The following TEX9 variants were observed in gnomAD, a reference collection of about 807,000 sequenced individuals.
TEX9 encodes testis-expressed protein 9.
Under a neutral mutation model 59.6 loss-of-function variants are expected in TEX9, and 74 were observed. The ratio of observed to expected loss-of-function variants is 1.24; its 90% CI spans 1.03 to 1.51. The LOEUF is 1.51. Among genes scored for constraint, TEX9 ranks in the 40% most tolerant of loss-of-function variants. The probability of loss-of-function intolerance (pLI) is 0.00; values close to 1 mark genes in which losing one functional copy is unlikely to be tolerated. For missense variants in TEX9, 522 were observed against 447.8 expected, an observed-to-expected ratio of 1.17 and a Z score of -1.49; for synonymous variants, 186 against 152.2, an observed-to-expected ratio of 1.22 and a Z score of -1.64.
At chr15:56,403,470 T>C (rs1466450192) in intron 9 of TEX9, among the ~76,000 whole-genome samples, 1 of 152,068 alleles carries the variant, frequency 6.6e-6, no homozygotes, top group Non-Finnish European at 1.5e-5. Flanking sequence ...CACTGCTCAA[T>C]GAAATAAAAG....
chr15:56,426,184 T>C (rs1242925009), intron 10 of TEX9, among the ~76,000 whole-genome samples: 1 of 152,078 alleles, frequency 6.6e-6, no homozygotes, highest in Non-Finnish European at 1.5e-5. Flanking sequence ...CCATCAGTAC[T>C]GAGTCAGGCA....
At chr15:56,244,861 A>G (rs142624818) in intron 1 of TEX9, among the ~76,000 whole-genome samples, 8 of 150,678 alleles carry the variant, frequency 5.3e-5, no homozygotes, top group African/African-American at 2.0e-4. Context: ...CTTTGCCACA[A>G]ATAAGTCAGT....
intron 9 of TEX9, among the ~76,000 whole-genome samples, chr15:56,400,426 G>A (rs567688373): frequency 2.6e-5 from 4 of 152,196 alleles, no homozygotes; most frequent in Non-Finnish European, 5.9e-5. Context: ...GAGAAGACAA[G>A]TTTACAGAAA....
chr15:56,437,716 C>G (rs1351256190), intron 12 of TEX9, among the ~76,000 whole-genome samples: 8 of 152,090 alleles, frequency 5.3e-5, no homozygotes, highest in African/African-American at 1.9e-4. Flanking sequence ...TTTAGAAAAC[C>G]CCATTGTCTC....
chr15:56,270,997 G>A (rs1468463581), intron 1 of TEX9, among the ~76,000 whole-genome samples: 1 of 152,168 alleles, frequency 6.6e-6, no homozygotes. Flanking sequence ...TTTCTGCTGA[G>A]AGATCCGCTG....
chr15:56,277,008 G>A (rs190495392), intron 1 of TEX9, among the ~76,000 whole-genome samples: 4 of 128,554 alleles, frequency 3.1e-5, no homozygotes, highest in Non-Finnish European at 7.2e-5. Context: ...TTTTTGATGG[G>A]GTTGTTTGTT....
chr15:56,301,510 G>C (rs1593456), intron 1 of TEX9, among the ~76,000 whole-genome samples: 10,550 of 151,906 alleles, frequency 0.069, 455 homozygotes, highest in Non-Finnish European at 0.1. Flanking sequence ...ACTCGCAATG[G>C]TCAAGGATAA....
intron 12 of TEX9, among the ~76,000 whole-genome samples, chr15:56,433,158 C>G (rs773170622): frequency 1.3e-5 from 2 of 150,046 alleles, no homozygotes; most frequent in Non-Finnish European, 3.0e-5. Flanking sequence ...TTCTTTTCCT[C>G]TATACTCTTT....
downstream of TEX9, among the ~76,000 whole-genome samples, chr15:56,450,909 A>T (rs2050942893): frequency 6.6e-6 from 1 of 152,038 alleles, no homozygotes. Context: ...ATTTTCCACT[A>T]CTTTTATTAA....
At chr15:56,281,155 A>G (rs2044809576) in intron 1 of TEX9, among the ~76,000 whole-genome samples, 1 of 152,220 alleles carries the variant, frequency 6.6e-6, no homozygotes, top group African/African-American at 2.4e-5. Context: ...GGGTTCCTAT[A>G]TGTTTGAGGT....
chr15:56,314,624 C>T (rs181723318), intron 1 of TEX9, among the ~76,000 whole-genome samples: 5 of 151,998 alleles, frequency 3.3e-5, no homozygotes, highest in Admixed American at 2.0e-4. Flanking sequence ...AAAGTATATT[C>T]TATTGATTTG....
At chr15:56,304,144 C>T (rs545646146) in intron 1 of TEX9, among the ~76,000 whole-genome samples, 11 of 152,286 alleles carry the variant, frequency 7.2e-5, no homozygotes, top group Non-Finnish European at 1.6e-4. Flanking sequence ...ACTCATTCTA[C>T]GAGGCCAGTA....
chr15:56,446,035 T>C (rs2050899289), downstream of TEX9: 2 of 152,020 alleles, frequency 1.3e-5, no homozygotes, highest in Admixed American at 1.3e-4. Context: ...ACTAACACAA[T>C]TGTACACACG....
At chr15:56,274,426 A>G (rs1159706154) in intron 1 of TEX9, 1 of 152,142 alleles carries the variant, frequency 6.6e-6, no homozygotes, top group East Asian at 1.9e-4. Flanking sequence ...TACTTGTCAG[A>G]TAATTGTAAT....
In TEX9 at chr15:56,275,724, A is replaced by G. The variant is rs114921794; in HGVS notation, c.-107+31446A>G. Among the ~76,000 whole-genome samples the G allele has an allele frequency of 5.2e-4, 79 of 152,148 alleles. 1 individual carries two copies. The East Asian group carries it at 0.014, about 28-fold the overall frequency. ...TTTTTTAAATGCTCAACATTCCCTT[A>G]TATTACCAATAGATTTAACTTTTCT... is the stretch of plus-strand genomic sequence containing the variant. On this transcript the variant is annotated intron_variant, in intron 1 of 5. Coordinates refer to the TEX9 transcript ENST00000560827.
At chr15:56,444,068 G>A (rs1370165226) in intron 12 of TEX9, among the ~76,000 whole-genome samples, 1 of 151,926 alleles carries the variant, frequency 6.6e-6, no homozygotes, top group Non-Finnish European at 1.5e-5. Flanking sequence ...ACCTATTAAT[G>A]AAGTTTTATG....
intron 1 of TEX9, among the ~76,000 whole-genome samples, chr15:56,300,053 A>G (rs2045306745): frequency 6.6e-6 from 1 of 152,062 alleles, no homozygotes; most frequent in Non-Finnish European, 1.5e-5. Context: ...GAGGTACAGC[A>G]CCAAGCGGGT....
chr15:56,266,695 G>T (rs2044392702), intron 1 of TEX9, among the ~76,000 whole-genome samples: 1 of 152,176 alleles, frequency 6.6e-6, no homozygotes, highest in South Asian at 2.1e-4. Context: ...CATGGTGTAT[G>T]TGTGCCATAT....
At chr15:56,287,039 T>G (rs2044969780) in intron 1 of TEX9, among the ~76,000 whole-genome samples, 1 of 152,180 alleles carries the variant, frequency 6.6e-6, no homozygotes, top group African/African-American at 2.4e-5. Flanking sequence ...CAGAATGCTT[T>G]GTAATGCAGC....
Sources: allele counts gnomAD v4.1 joint callset (sites outside exome capture counted in the v4.1 genomes callset), GRCh38; gene constraint gnomAD v4.1.1; transcripts MANE v1.5; gene names NCBI Gene and HGNC (gene_info 2026-07-23, HGNC 2026-07-21).